Variants in ZNF804B observed in about 807,000 individuals in gnomAD.
ZNF804B encodes zinc finger 804B.
Under a neutral mutation model 101.4 loss-of-function variants are expected in ZNF804B, and 80 were observed. That is an observed-to-expected ratio of 0.79 (90% CI 0.66 to 0.95). The LOEUF is 0.95. Among genes scored for constraint, ZNF804B ranks in the 40% least tolerant of loss-of-function variants. The pLI, the probability that ZNF804B is intolerant of heterozygous loss-of-function variation, is 0.00. For synonymous variants in ZNF804B, 622 were observed against 558.8 expected, an observed-to-expected ratio of 1.11 and a Z score of -1.59; for missense variants, 1,673 against 1,561.9, an observed-to-expected ratio of 1.07 and a Z score of -1.20.
intron 1 of ZNF804B, among the ~76,000 whole-genome samples, chr7:89,084,866 A>C (rs1052049881): frequency 1.3e-5 from 2 of 151,974 alleles, no homozygotes; most frequent in Admixed American, 1.3e-4. Flanking sequence ...TTACTTCTTC[A>C]ATAAAATGTT....
chr7:89,306,620 A>G (rs1790565726), intron 2 of ZNF804B, among the ~76,000 whole-genome samples: 2 of 152,028 alleles, frequency 1.3e-5, no homozygotes, highest in South Asian at 4.1e-4. Context: ...TCTATACTCA[A>G]ATATTTCCGA....
intron 1 of ZNF804B, among the ~76,000 whole-genome samples, chr7:89,156,053 T>G (rs866042605): frequency 2.1e-4 from 19 of 89,904 alleles, no homozygotes; most frequent in Non-Finnish European, 3.7e-4. Flanking sequence ...TCTTTCTTTC[T>G]TTCTTTCTTT....
At chr7:89,322,183 T>TG in intron 2 of ZNF804B, among the ~76,000 whole-genome samples, 1 of 152,288 alleles carries the variant, frequency 6.6e-6, no homozygotes, top group South Asian at 2.1e-4. Context: ...AGGTAATACA[T>TG]GATTTAAGCA....
chr7:89,069,403 T>C (rs1036440652), intron 1 of ZNF804B, among the ~76,000 whole-genome samples: 1 of 152,206 alleles, frequency 6.6e-6, no homozygotes, highest in African/African-American at 2.4e-5. Context: ...AATATGAGCT[T>C]ATTAAGTATA....
At chr7:89,265,029 C>G (rs933933266) in intron 2 of ZNF804B, among the ~76,000 whole-genome samples, 1 of 152,092 alleles carries the variant, frequency 6.6e-6, no homozygotes, top group Non-Finnish European at 1.5e-5. Flanking sequence ...TGCTGTATAT[C>G]ATGTAAAATT....
intron 1 of ZNF804B, among the ~76,000 whole-genome samples, chr7:89,053,548 T>A (rs1789241647): frequency 6.6e-6 from 1 of 151,930 alleles, no homozygotes; most frequent in Non-Finnish European, 1.5e-5. Context: ...CAAGGAAGAG[T>A]TTTGCATAAA....
chr7:88,874,206 C>A (rs566566795), intron 1 of ZNF804B, among the ~76,000 whole-genome samples: 46 of 152,096 alleles, frequency 3.0e-4, no homozygotes, highest in Admixed American at 2.6e-4. Context: ...AGTTGGATTC[C>A]TAGGTATTTT....
intron 1 of ZNF804B, among the ~76,000 whole-genome samples, chr7:89,046,575 T>A (rs1445535521): frequency 1.3e-5 from 2 of 152,166 alleles, no homozygotes; most frequent in Non-Finnish European, 2.9e-5. Context: ...TGGTTAGTTA[T>A]CTAACCAAAT....
chr7:89,171,362 C>CTCCTCTTCCTCT (rs1791230467), intron 1 of ZNF804B, among the ~76,000 whole-genome samples: 11 of 86,696 alleles, frequency 1.3e-4, no homozygotes, highest in African/African-American at 3.4e-4. Flanking sequence ...CTTCTTCCTC[C>CTCCTCTTCCTCT]TCTTCCTCTT....
chr7:89,261,174 A>G (rs569706094), intron 2 of ZNF804B, among the ~76,000 whole-genome samples: 17 of 152,286 alleles, frequency 1.1e-4, no homozygotes, highest in East Asian at 3.9e-4. Context: ...ATGCTTTACT[A>G]TTGCATCTGT....
In ZNF804B at chr7:89,083,057, T is replaced by G. The variant is rs147359782; in HGVS notation, c.109-135098T>G. Among the ~76,000 whole-genome samples, 202 of 151,978 alleles carry G rather than the reference T, an allele frequency of 1.3e-3. 1 individual carries two copies. Among genetic ancestry groups the G allele is most frequent in the African/African-American group, 4.6e-3 (190 of 41,524 alleles). On this transcript the variant is annotated intron_variant, in intron 1 of 3. Transcript: ENST00000333190. Reference sequence around the variant, plus strand: ...GTAAAGGATTTCCAAGGGCATTTTATTTTTGTAAATGTCCTTTGAAGTTTT... The same window carrying G: ...GTAAAGGATTTCCAAGGGCATTTTAGTTTTGTAAATGTCCTTTGAAGTTTT...
At chr7:89,104,954 A>G (rs907296028) in intron 1 of ZNF804B, among the ~76,000 whole-genome samples, 2 of 152,136 alleles carry the variant, frequency 1.3e-5, no homozygotes, top group African/African-American at 4.8e-5. Flanking sequence ...TAAAAAACTA[A>G]AGACACTGCT....
chr7:88,836,429 T>C (rs1224091811), intron 1 of ZNF804B, among the ~76,000 whole-genome samples: 1 of 151,768 alleles, frequency 6.6e-6, no homozygotes, highest in African/African-American at 2.4e-5. Context: ...GCAAATCAAA[T>C]CACTCTGGAC....
chr7:88,938,180 G>T (rs1410353794), intron 1 of ZNF804B, among the ~76,000 whole-genome samples: 1 of 152,032 alleles, frequency 6.6e-6, no homozygotes, highest in Non-Finnish European at 1.5e-5. Flanking sequence ...AATTGGTTGA[G>T]TTTGTCTAAA....
intron 1 of ZNF804B, among the ~76,000 whole-genome samples, chr7:89,064,196 C>T (rs1288840182): frequency 6.6e-6 from 1 of 152,112 alleles, no homozygotes; most frequent in East Asian, 1.9e-4. Context: ...GTCCAAATGA[C>T]TGGGCTTTTA....
At chr7:89,315,592 T>A (rs1790712603) in intron 2 of ZNF804B, among the ~76,000 whole-genome samples, 1 of 152,126 alleles carries the variant, frequency 6.6e-6, no homozygotes, top group Admixed American at 6.6e-5. Context: ...TTATATTATA[T>A]ACATTGATTT....
At chr7:89,009,943 TACAC>T (rs1373596439) in intron 1 of ZNF804B, among the ~76,000 whole-genome samples, 1 of 152,226 alleles carries the variant, frequency 6.6e-6, no homozygotes, top group Non-Finnish European at 1.5e-5. Flanking sequence ...TAATTCCCTA[TACAC>T]ATTTTTACTA....
At chr7:89,060,275 G>C (rs1789359485) in intron 1 of ZNF804B, among the ~76,000 whole-genome samples, 1 of 152,068 alleles carries the variant, frequency 6.6e-6, no homozygotes, top group African/African-American at 2.4e-5. Context: ...ATTCAGATTT[G>C]GTACTGGGAA....
chr7:88,940,023 C>A (rs1383947876), intron 1 of ZNF804B, among the ~76,000 whole-genome samples: 1 of 151,716 alleles, frequency 6.6e-6, no homozygotes, highest in Non-Finnish European at 1.5e-5. Flanking sequence ...ATTAAAAACA[C>A]AATTAAAAAA....
Sources: allele counts gnomAD v4.1 joint callset (sites outside exome capture counted in the v4.1 genomes callset), GRCh38; gene constraint gnomAD v4.1.1; transcripts MANE v1.5; gene names NCBI Gene and HGNC (gene_info 2026-07-23, HGNC 2026-07-21).